ADAMTS12: variants seen among roughly 807,000 people sequenced by gnomAD.
ADAMTS12 encodes A disintegrin and metalloproteinase with thrombospondin motifs 12.
ADAMTS12 carries 118 observed loss-of-function variants against 167.8 expected under a neutral mutation model. The ratio of observed to expected loss-of-function variants is 0.70; its 90% confidence interval spans 0.61 to 0.82. ADAMTS12 has a LOEUF of 0.82. Among genes scored for constraint, ADAMTS12 ranks in the 40% least tolerant of loss-of-function variants. The probability of loss-of-function intolerance (pLI) is 0.00; values close to 1 mark genes in which losing one functional copy is unlikely to be tolerated. For missense variants in ADAMTS12, 1,916 were observed against 1,998.8 expected, an observed-to-expected ratio of 0.96 and a Z score of 0.79; for synonymous variants, 704 against 716.9, an observed-to-expected ratio of 0.98 and a Z score of 0.29.
chr5:33,677,550 C>T (rs1470492503), intron 5 of ADAMTS12, among the ~76,000 whole-genome samples: 1 of 152,122 alleles, frequency 6.6e-6, no homozygotes, highest in Non-Finnish European at 1.5e-5. Flanking sequence ...GAGCAGGGGG[C>T]CCACCAAACA....
chr5:33,838,342 A>G (rs555844556), intron 2 of ADAMTS12, among the ~76,000 whole-genome samples: 2 of 152,336 alleles, frequency 1.3e-5, no homozygotes, highest in African/African-American at 4.8e-5. Flanking sequence ...TTAGAAAAAG[A>G]GGAATAAATG....
intron 6 of ADAMTS12, among the ~76,000 whole-genome samples, chr5:33,661,151 C>T (rs1438249828): frequency 6.6e-6 from 1 of 152,162 alleles, no homozygotes; most frequent in Non-Finnish European, 1.5e-5. Context: ...GCATACGGAG[C>T]CCAAGAAGAA....
intron 2 of ADAMTS12, among the ~76,000 whole-genome samples, chr5:33,839,869 G>A (rs1363461141): frequency 6.6e-6 from 1 of 152,206 alleles, no homozygotes; most frequent in Non-Finnish European, 1.5e-5. Context: ...GTAACTTCAT[G>A]AAACGGGAAG....
At chr5:33,757,885 A>T (rs1317971424) in intron 2 of ADAMTS12, among the ~76,000 whole-genome samples, 1 of 152,172 alleles carries the variant, frequency 6.6e-6, no homozygotes, top group East Asian at 1.9e-4. Flanking sequence ...CAATAAATGC[A>T]CAGTTGCTCA....
intron 17 of ADAMTS12, among the ~76,000 whole-genome samples, chr5:33,592,156 G>A (rs1381079142): frequency 1.3e-5 from 2 of 152,150 alleles, no homozygotes; most frequent in Admixed American, 1.3e-4. Flanking sequence ...TTGAACCTGG[G>A]AGGCGGAGGT....
At position 33,588,583 on chromosome 5, in the gene ADAMTS12, C is replaced by T. The variant is rs745623434; in HGVS notation, c.2865+16G>A. 3 of 1,612,836 alleles carry T rather than the reference C, an allele frequency of 1.9e-6. No individual in the cohort carries two copies. Among genetic ancestry groups the T allele is most frequent in the Middle Eastern group, 1.7e-4 (1 of 6,060 alleles). ...GCTTGAATAATGCCAGTTTCCCCGCCGAGCCCTGAGCTCACCTCACTCCAG... is the reference window on the plus strand; with the variant it reads ...GCTTGAATAATGCCAGTTTCCCCGCTGAGCCCTGAGCTCACCTCACTCCAG... On this transcript the variant is annotated intron_variant, in intron 18 of 23. Coordinates refer to ENST00000504830, the MANE Select transcript of ADAMTS12 (RefSeq NM_030955.4).
intron 2 of ADAMTS12, among the ~76,000 whole-genome samples, chr5:33,864,929 G>T (rs1196592618): frequency 1.3e-5 from 2 of 151,916 alleles, no homozygotes. Context: ...CATGGCCCAT[G>T]TATACCTATG....
At chr5:33,620,429 C>T (rs1338060745) in intron 14 of ADAMTS12, among the ~76,000 whole-genome samples, 1 of 152,198 alleles carries the variant, frequency 6.6e-6, no homozygotes, top group South Asian at 2.1e-4. Context: ...GACAAATATC[C>T]TCACATGGAA....
In ADAMTS12 at chr5:33,658,231, A is replaced by T; in HGVS notation, c.1143T>A (p.Asp381Glu). ...QPHRSCNINE[D>E]SGLPLAFTIA... Reference sequence around the variant, plus strand: ...TTGTGAAAGCCAGAGGGAGTCCCGAATCTTCATTGATGTTACAACTGCGGT... The same window carrying T: ...TTGTGAAAGCCAGAGGGAGTCCCGATTCTTCATTGATGTTACAACTGCGGT... Residue 381 changes from aspartate (D) to glutamate (E), a missense_variant, in exon 7 of 24, where the codon GAT becomes GAA. By Grantham distance (45) the Asp-to-Glu change is conservative. Coordinates refer to ENST00000504830, the MANE Select transcript of ADAMTS12 (RefSeq NM_030955.4). 2 of 1,613,730 alleles carry T rather than the reference A, an allele frequency of 1.2e-6. No homozygotes were observed. Among genetic ancestry groups the T allele is most frequent in the Non-Finnish European group, 1.7e-6 (2 of 1,179,700 alleles).
chr5:33,659,419 C>G lies in ADAMTS12; in HGVS notation c.1041-1086G>C, dbSNP rs544330028. 4.6e-5 allele frequency among the ~76,000 whole-genome samples: 7 copies of G among 152,310 alleles called. No homozygotes were observed. In the East Asian group the frequency reaches 1.3e-3, roughly 29 times the overall value. ...CCAATCAAACACTTTTCTACCCCTG[C>G]TGCAGAATGCACTTGTTATTATTTC... is the stretch of plus-strand genomic sequence containing the variant. On this transcript the variant is annotated intron_variant, in intron 6 of 23. Coordinates refer to ENST00000504830, the MANE Select transcript of ADAMTS12 (RefSeq NM_030955.4).
intron 3 of ADAMTS12, among the ~76,000 whole-genome samples, chr5:33,716,043 A>T (rs1055297027): frequency 1.3e-5 from 2 of 152,198 alleles, no homozygotes; most frequent in Non-Finnish European, 2.9e-5. Flanking sequence ...ATAAGATGCT[A>T]TGATCTGAAT....
chr5:33,708,022 G>T (rs1294082811), intron 3 of ADAMTS12, among the ~76,000 whole-genome samples: 1 of 152,056 alleles, frequency 6.6e-6, no homozygotes, highest in Admixed American at 6.5e-5. Context: ...CTACAGAATG[G>T]GAGAAAATTT....
chr5:33,846,726 A>C (rs1748960459), intron 2 of ADAMTS12, among the ~76,000 whole-genome samples: 1 of 152,222 alleles, frequency 6.6e-6, no homozygotes, highest in South Asian at 2.1e-4. Context: ...CACAATGGGT[A>C]CCTAACGAAT....
chr5:33,870,761 AGT>A (rs1459600681), intron 2 of ADAMTS12, among the ~76,000 whole-genome samples: 1 of 152,144 alleles, frequency 6.6e-6, no homozygotes, highest in Non-Finnish European at 1.5e-5. Flanking sequence ...TTCTTGTGAT[AGT>A]GAGTGAGTTC....
intron 7 of ADAMTS12, among the ~76,000 whole-genome samples, chr5:33,657,108 G>C (rs1337966222): frequency 2.6e-5 from 4 of 152,168 alleles, no homozygotes; most frequent in Non-Finnish European, 5.9e-5. Context: ...CAGTAGAAAA[G>C]TCAGAACAAC....
chr5:33,556,873 T>G (rs912490315), intron 20 of ADAMTS12, among the ~76,000 whole-genome samples: 3 of 152,190 alleles, frequency 2.0e-5, no homozygotes, highest in African/African-American at 7.2e-5. Context: ...GGGCGGACAG[T>G]GTGAAAAAGC....
At chr5:33,545,031 G>A (rs1744902883) in intron 22 of ADAMTS12, among the ~76,000 whole-genome samples, 1 of 152,198 alleles carries the variant, frequency 6.6e-6, no homozygotes, top group African/African-American at 2.4e-5. Flanking sequence ...AAACTAAGGA[G>A]CTTCTGCATG....
At chr5:33,696,941 C>T (rs1261445245) in intron 3 of ADAMTS12, among the ~76,000 whole-genome samples, 2 of 152,134 alleles carry the variant, frequency 1.3e-5, no homozygotes, top group Non-Finnish European at 2.9e-5. Context: ...CTTTTTTGGA[C>T]TATACATTTT....
intron 2 of ADAMTS12, among the ~76,000 whole-genome samples, chr5:33,801,010 A>G (rs12523642): frequency 0.25 from 37,832 of 152,130 alleles, 6,206 homozygotes; most frequent in Non-Finnish European, 0.36. Flanking sequence ...TTTGACACAC[A>G]CAGAAGAGGA....
Sources: gnomAD v4.1 joint callset for allele counts (sites outside exome capture counted in the v4.1 genomes callset) on GRCh38, gnomAD v4.1.1 for gene constraint, MANE v1.5 for transcripts, NCBI Gene and HGNC (gene_info 2026-07-23, HGNC 2026-07-21) for gene names.